DIAPH2: variants seen among roughly 807,000 people sequenced by gnomAD.
DIAPH2 encodes diaphanous related formin 2.
DIAPH2 carries 35 observed loss-of-function variants against 92.7 expected under a neutral mutation model. The ratio of observed to expected loss-of-function variants is 0.38; its 90% CI spans 0.29 to 0.50. The LOEUF (loss-of-function observed/expected upper bound fraction) is 0.50. DIAPH2 is among the 20% of genes least tolerant of loss of function. The pLI, the probability that DIAPH2 is intolerant of heterozygous loss-of-function variation, is 0.94. For synonymous variants in DIAPH2, 301 were observed against 280.4 expected, an observed-to-expected ratio of 1.07 and a Z score of -0.73; for missense variants, 701 against 819.5, an observed-to-expected ratio of 0.86 and a Z score of 1.77.
chrX:96,708,891 T>A (rs1315326674), intron 1 of DIAPH2, among the ~76,000 whole-genome samples: 3 of 111,836 alleles, frequency 2.7e-5, no homozygotes, highest in Non-Finnish European at 3.8e-5. Flanking sequence ...GTTCTCTTTT[T>A]TCATGACTGC....
intron 22 of DIAPH2, among the ~76,000 whole-genome samples, chrX:97,155,551 T>C (rs936564055): frequency 2.7e-5 from 3 of 111,541 alleles, no homozygotes; most frequent in Non-Finnish European, 5.6e-5. Flanking sequence ...TTCCAGGATT[T>C]AGAGGACCTG....
At chrX:97,410,224 T>C (rs1413630810) in intron 25 of DIAPH2, among the ~76,000 whole-genome samples, 1 of 112,134 alleles carries the variant, frequency 8.9e-6, no homozygotes, top group Admixed American at 9.4e-5. Context: ...TGTTCTGCAA[T>C]ATTTGCTGTT....
intron 23 of DIAPH2, among the ~76,000 whole-genome samples, chrX:97,254,896 G>A: frequency 9.1e-6 from 1 of 109,477 alleles, no homozygotes; most frequent in Middle Eastern, 4.7e-3. Context: ...AGTAGAGACG[G>A]GGTTTCACCA....
At chrX:96,703,010 G>A (rs2063863926) in intron 1 of DIAPH2, among the ~76,000 whole-genome samples, 1 of 111,496 alleles carries the variant, frequency 9.0e-6, no homozygotes, top group Non-Finnish European at 1.9e-5. Flanking sequence ...ACATTTTAGG[G>A]GGAAACAGAC....
chrX:97,164,001 A>G (rs1028904540), intron 22 of DIAPH2, among the ~76,000 whole-genome samples: 3 of 112,331 alleles, frequency 2.7e-5, no homozygotes, highest in Non-Finnish European at 5.6e-5. Flanking sequence ...TATTTCTTTA[A>G]TGAGTAAATT....
intron 25 of DIAPH2, among the ~76,000 whole-genome samples, chrX:97,409,567 C>T: frequency 9.0e-6 from 1 of 111,706 alleles, no homozygotes; most frequent in Non-Finnish European, 1.9e-5. Flanking sequence ...CAGGGCAGGG[C>T]ATCACCTCAC....
intron 3 of DIAPH2, among the ~76,000 whole-genome samples, chrX:96,756,645 C>T (rs2064231089): frequency 9.0e-6 from 1 of 111,564 alleles, no homozygotes; most frequent in Admixed American, 9.6e-5. Context: ...GGTATGTAAG[C>T]TGGGTCATAT....
intron 4 of DIAPH2, among the ~76,000 whole-genome samples, chrX:96,876,252 A>G (rs776556863): frequency 3.0e-4 from 33 of 111,553 alleles, no homozygotes; most frequent in African/African-American, 1.0e-3. Context: ...TTAAAAAGTC[A>G]GGAAACAACA....
At chrX:96,911,567 C>T (rs2065468926) in intron 5 of DIAPH2, among the ~76,000 whole-genome samples, 2 of 110,741 alleles carry the variant, frequency 1.8e-5, no homozygotes, top group Admixed American at 1.9e-4. Context: ...ACCCAATTTG[C>T]CCTTAATCCT....
rs191202758 is a variant in DIAPH2, at chrX:96,957,525, G to A, written c.1615-303G>A. On this transcript the variant is annotated intron_variant, in intron 15 of 26. Transcript: ENST00000324765. ...CTTGTGAGAGCTTGCTCATGATCAC[G>A]ATTTGGGTGGGAACACAGAGCCAAA... Among the ~76,000 whole-genome samples, 194 of 111,149 alleles carry A rather than the reference G, an allele frequency of 1.7e-3. 1 individual carries two copies. Among genetic ancestry groups the A allele is most frequent in the African/African-American group, 6.2e-3 (191 of 30,588 alleles).
At chrX:96,812,869 C>T (rs1308216018) in intron 4 of DIAPH2, among the ~76,000 whole-genome samples, 1 of 112,010 alleles carries the variant, frequency 8.9e-6, no homozygotes, top group Non-Finnish European at 1.9e-5. Context: ...AATTTGATTG[C>T]ACTGTGGTCG....
chrX:96,770,207 A>C (rs912352013), intron 4 of DIAPH2, among the ~76,000 whole-genome samples: 1 of 110,724 alleles, frequency 9.0e-6, no homozygotes, highest in African/African-American at 3.3e-5. Context: ...CAAAAAAAAA[A>C]AAAAAGGATA....
intron 4 of DIAPH2, among the ~76,000 whole-genome samples, chrX:96,844,648 A>G (rs780853010): frequency 8.9e-6 from 1 of 112,389 alleles, no homozygotes; most frequent in East Asian, 2.8e-4. Flanking sequence ...AATCAGTCCA[A>G]TTTCCAAACC....
chrX:96,717,815 A>AGTAT (rs2063959795), intron 1 of DIAPH2, among the ~76,000 whole-genome samples: 2 of 33,558 alleles, frequency 6.0e-5, no homozygotes, highest in South Asian at 5.0e-3. Flanking sequence ...GTGGGTATAT[A>AGTAT]GTATATATAT....
chrX:96,934,792 C>A (rs2065646276), intron 10 of DIAPH2, among the ~76,000 whole-genome samples: 1 of 111,334 alleles, frequency 9.0e-6, no homozygotes, highest in South Asian at 3.7e-4. Flanking sequence ...ACATTGATTT[C>A]TTCTGAAATT....
intron 9 of DIAPH2, among the ~76,000 whole-genome samples, chrX:96,922,275 G>A (rs2065551017): frequency 9.1e-6 from 1 of 110,063 alleles, no homozygotes. Flanking sequence ...ATCTCTTTCT[G>A]TTAACCTGAT....
chrX:96,908,748 C>T (rs1021110876), intron 5 of DIAPH2, among the ~76,000 whole-genome samples: 1 of 110,986 alleles, frequency 9.0e-6, no homozygotes, highest in African/African-American at 3.3e-5. Flanking sequence ...TACAGGCGCC[C>T]GCCACCACGC....
chrX:97,244,202 A>G (rs1320090796), intron 22 of DIAPH2, among the ~76,000 whole-genome samples: 1 of 112,142 alleles, frequency 8.9e-6, no homozygotes, highest in Non-Finnish European at 1.9e-5. Flanking sequence ...AGATGTTCAG[A>G]AAAATATTGA....
At chrX:96,711,885 G>A (rs2063920580) in intron 1 of DIAPH2, among the ~76,000 whole-genome samples, 1 of 111,354 alleles carries the variant, frequency 9.0e-6, no homozygotes, top group Non-Finnish European at 1.9e-5. Flanking sequence ...TTCTTGCACA[G>A]GGTGGACTTT....
Sources: gnomAD v4.1 joint callset for allele counts (sites outside exome capture counted in the v4.1 genomes callset) on GRCh38, gnomAD v4.1.1 for gene constraint, MANE v1.5 for transcripts, NCBI Gene and HGNC (gene_info 2026-07-23, HGNC 2026-07-21) for gene names.